Variants in DOP1A observed in about 807,000 individuals in gnomAD.
The protein encoded by DOP1A is protein DOP1A.
Under a neutral mutation model 267.6 loss-of-function variants are expected in DOP1A, and 90 were observed. The ratio of observed to expected loss-of-function variants is 0.34; its 90% CI spans 0.28 to 0.40. The LOEUF (loss-of-function observed/expected upper bound fraction) is 0.40. Among genes scored for constraint, DOP1A ranks in the 10% least tolerant of loss-of-function variants. DOP1A has a pLI of 1.00. For synonymous variants in DOP1A, 932 were observed against 999.1 expected, an observed-to-expected ratio of 0.93 and a Z score of 1.27; for missense variants, 2,437 against 2,900.4, an observed-to-expected ratio of 0.84 and a Z score of 3.67.
chr6:83,090,811 A>G (rs1770214977), intron 1 of DOP1A, among the ~76,000 whole-genome samples: 1 of 152,198 alleles, frequency 6.6e-6, no homozygotes, highest in Non-Finnish European at 1.5e-5. Context: ...GTATGTATAT[A>G]TTGGATGAAA....
Position 83,138,807 on chromosome 6 carries a change from C to T in DOP1A, c.4765C>T (p.Leu1589=), listed in dbSNP as rs1465981215. The T allele has an allele frequency of 1.2e-6, 2 of 1,613,954 alleles. No homozygotes were observed. Among genetic ancestry groups the T allele is most frequent in the South Asian group, 1.1e-5 (1 of 91,076 alleles). Residue 1589 remains leucine (L), a synonymous_variant, in exon 21 of 39, where the codon CTG becomes TTG. Transcript: ENST00000349129. ...QSQLLKVLQR[L]IVLEHRVMTI... ...ACAACTTCTTAAGGTGCTTCAGAGG[C>T]TGATTGTTCTAGAACACAGAGTAAT...
chr6:83,076,880 A>G (rs975293157), intron 1 of DOP1A, among the ~76,000 whole-genome samples: 7 of 152,216 alleles, frequency 4.6e-5, no homozygotes, highest in Admixed American at 3.9e-4. Context: ...GTGTGCATCT[A>G]TGGATTAATG....
chr6:83,089,224 A>T, intron 1 of DOP1A, among the ~76,000 whole-genome samples: 1 of 152,220 alleles, frequency 6.6e-6, no homozygotes, highest in East Asian at 1.9e-4. Context: ...TTCTGAAGTG[A>T]GGTCTACTCA....
chr6:83,068,361 C>G (rs956235671), intron 1 of DOP1A, among the ~76,000 whole-genome samples: 1 of 152,174 alleles, frequency 6.6e-6, no homozygotes, highest in African/African-American at 2.4e-5. Context: ...ATTCCTAAGC[C>G]TTTTAAAGTT....
At position 83,168,074 on chromosome 6, in the gene DOP1A, A is replaced by T; in HGVS notation, c.7305A>T (p.Lys2435Asn). Residue 2435 changes from lysine to asparagine, a missense_variant, in exon 39 of 39, where the codon AAA (lysine) becomes AAT (asparagine). Lys to Asn is a moderately conservative substitution (Grantham distance 94). Around this residue, in one of 9 missense-constraint regions of DOP1A, gnomAD observed 197 missense variants for 246.5 expected, o/e 0.80. Transcript: ENST00000349129. ...ATGCCTTCCCTAATAAGGACATGAA[A>T]CTGGAGAACCACAAACCATGTTCCA... ...YSNAFPNKDM[K>N]LENHKPCSSK... 4 of 1,614,244 alleles carry T rather than the reference A, an allele frequency of 2.5e-6. No homozygotes were observed. Among genetic ancestry groups the T allele is most frequent in the Non-Finnish European group, 3.4e-6 (4 of 1,180,042 alleles).
Position 83,163,075 on chromosome 6 carries a change from A to G in DOP1A, c.7092+156A>G, listed in dbSNP as rs547946445. Among the ~76,000 whole-genome samples the G allele has an allele frequency of 3.3e-5, 5 of 152,290 alleles. No homozygotes were observed. In the East Asian group the frequency reaches 7.7e-4, roughly 23 times the overall value. On this transcript the variant is annotated intron_variant, in intron 38 of 38. Coordinates refer to ENST00000349129, the MANE Select transcript of DOP1A (RefSeq NM_015018.4). ...TTGAGAGTTAATGTCCATAAGCCTCATATTTCCAGACATTAGAAAACATAT... is the reference window on the plus strand; with the variant it reads ...TTGAGAGTTAATGTCCATAAGCCTCGTATTTCCAGACATTAGAAAACATAT...
chr6:83,116,261 A>T (rs577342452), intron 7 of DOP1A, among the ~76,000 whole-genome samples: 1 of 152,130 alleles, frequency 6.6e-6, no homozygotes, highest in South Asian at 2.1e-4. Context: ...ATTCTATTCC[A>T]CTAAAATCCA....
In DOP1A at chr6:83,138,510, A is replaced by T. The variant is rs752241668; in HGVS notation, c.4468A>T (p.Ile1490Leu). The T allele has an allele frequency of 5.0e-6, 8 of 1,613,632 alleles. No individual in the cohort carries two copies. In the Admixed American group the frequency reaches 5.0e-5, roughly 10 times the overall value. ...CAATCGAAACATGCAAATGATGAGC[A>T]TAGAAATTCTGACACTACTCTTCAC... ...IGNRNMQMMS[I>L]EILTLLFTEL... Residue 1490 changes from isoleucine to leucine, a missense_variant, in exon 21 of 39, where the codon ATA becomes TTA. This residue lies in a region of DOP1A where 878 missense variants were observed against 992.9 expected (regional missense o/e 0.88). Transcript: ENST00000349129.
intron 38 of DOP1A, chr6:83,167,337 T>C: frequency 7.1e-6 from 7 of 985,480 alleles, no homozygotes; most frequent in Non-Finnish European, 8.4e-6. Flanking sequence ...TTCCTTTCTC[T>C]GTGATGCAGT....
chr6:83,163,423 T>C (rs545743129), intron 38 of DOP1A, among the ~76,000 whole-genome samples: 31 of 152,306 alleles, frequency 2.0e-4, no homozygotes, highest in African/African-American at 7.0e-4. Context: ...AAGAAGATTA[T>C]ACATTTTAAA....
At chr6:83,131,659 G>T (rs750137628) in intron 17 of DOP1A, among the ~76,000 whole-genome samples, 1 of 151,598 alleles carries the variant, frequency 6.6e-6, no homozygotes, top group Non-Finnish European at 1.5e-5. Flanking sequence ...TTACATGTCT[G>T]ATTTTTTTTT....
intron 1 of DOP1A, among the ~76,000 whole-genome samples, chr6:83,085,505 A>G (rs1209987525): frequency 2.0e-5 from 3 of 152,250 alleles, no homozygotes; most frequent in African/African-American, 7.2e-5. Context: ...ATATTACTGG[A>G]GGACGGGAAG....
In DOP1A at chr6:83,129,295, G is replaced by T; in HGVS notation, c.2128G>T (p.Asp710Tyr). 1 of 1,608,654 alleles carries T rather than the reference G, an allele frequency of 6.2e-7. No homozygotes were observed. Among genetic ancestry groups the T allele is most frequent in the Non-Finnish European group, 8.5e-7 (1 of 1,178,044 alleles). ...SQSLATEHQG[D>Y]LGREQGETSK... The stretch of plus-strand genomic sequence containing the variant: ...GTCTTTGGCTACAGAACATCAAGGG[G>T]ATCTTGGTCGAGAACAAGGAGAGAC... The change falls in exon 16 of 39, where the codon GAT (aspartate) becomes TAT (tyrosine). Residue 710 changes from aspartate (D) to tyrosine (Y), a missense_variant. This residue lies in a region of DOP1A where 498 missense variants were observed against 513.5 expected (regional missense o/e 0.97). Transcript: ENST00000349129.
chr6:83,128,040 G>A (rs181103025), intron 15 of DOP1A, among the ~76,000 whole-genome samples: 257 of 152,190 alleles, frequency 1.7e-3, no homozygotes, highest in Non-Finnish European at 2.3e-3. Context: ...GGTGACGAAG[G>A]TACCAAGAAT....
chr6:83,120,912 A>G, intron 10 of DOP1A, 121 bp downstream of exon 10: 2 of 647,244 alleles, frequency 3.1e-6, no homozygotes, highest in Non-Finnish European at 4.8e-6. Flanking sequence ...TAAGTTCTCA[A>G]CAATTTCTTA....
intron 7 of DOP1A, among the ~76,000 whole-genome samples, chr6:83,117,959 CAAG>C (rs1775736870): frequency 2.0e-5 from 3 of 152,286 alleles, no homozygotes; most frequent in Admixed American, 1.3e-4. Context: ...CTAATTCTAT[CAAG>C]AAGCATGATA....
rs1554249776 is a variant in DOP1A at position 83,152,268 on chromosome 6, T to C, written c.6050-20T>C. On this transcript the variant is annotated intron_variant, in intron 29 of 38. Coordinates refer to ENST00000349129, the MANE Select transcript of DOP1A (RefSeq NM_015018.4). ...TTTCAGTGGGAATTAGCCATATCTTTAATTTTCTCTTATTTATAGATATGT... is the reference window on the plus strand; with the variant it reads ...TTTCAGTGGGAATTAGCCATATCTTCAATTTTCTCTTATTTATAGATATGT... The C allele has an allele frequency of 3.4e-6, 5 of 1,466,484 alleles. No homozygotes were observed. Among genetic ancestry groups the C allele is most frequent in the Non-Finnish European group, 3.7e-6 (4 of 1,072,954 alleles). The allele number at this position is 1,466,484 out of a possible 1,614,324, so 90.8% of individuals were successfully genotyped here.
chr6:83,122,518 AGTTT>A (rs2128219886), intron 11 of DOP1A, among the ~76,000 whole-genome samples: 1 of 152,104 alleles, frequency 6.6e-6, no homozygotes, highest in African/African-American at 2.4e-5. Context: ...ATCACTACTC[AGTTT>A]GTATGTGCCA....
intron 3 of DOP1A, among the ~76,000 whole-genome samples, chr6:83,098,665 G>T (rs992730143): frequency 6.6e-6 from 1 of 152,196 alleles, no homozygotes; most frequent in Non-Finnish European, 1.5e-5. Flanking sequence ...TGGGTGAAGG[G>T]ACGTAGAACT....
Sources: allele counts gnomAD v4.1 joint callset (sites outside exome capture counted in the v4.1 genomes callset), GRCh38; gene constraint gnomAD v4.1.1; regional missense constraint gnomAD v4.1.1; transcripts MANE v1.5; gene names NCBI Gene and HGNC (gene_info 2026-07-23, HGNC 2026-07-21).